The following ZFP90 variants were observed in gnomAD, a reference collection of about 807,000 sequenced individuals.
ZFP90 encodes the protein ZFP90 zinc finger protein.
In ZFP90, 38 loss-of-function variants were observed where a neutral mutation model predicts 60.8. The observed-to-expected ratio is 0.62, with a 90% CI of 0.48 to 0.82. The LOEUF is 0.82. ZFP90 is among the 40% of genes least tolerant of loss of function. The probability of loss-of-function intolerance (pLI) is 0.00; values close to 1 mark genes in which losing one functional copy is unlikely to be tolerated. For missense variants in ZFP90, 711 were observed against 759.1 expected, an observed-to-expected ratio of 0.94 and a Z score of 0.74; for synonymous variants, 287 against 264.8, an observed-to-expected ratio of 1.08 and a Z score of -0.82.
chr16:68,566,854 T>TA lies in ZFP90; in HGVS notation c.*2157dup, dbSNP rs899103755. The stretch of plus-strand genomic sequence containing the variant: ...ACCAACTGAGTGCTGCCCCCACTGT[T>TA]ACGGAAGTTTATAAAACCTTAGTTC... On this transcript the variant is annotated 3_prime_UTR_variant, in exon 5 of 5. Transcript: ENST00000563169. 2.0e-5 allele frequency: 20 copies of TA among 985,492 alleles called. No individual in the cohort carries two copies. Among genetic ancestry groups the TA allele is most frequent in the Non-Finnish European group, 2.3e-5 (19 of 829,982 alleles). The allele number at this position is 985,492 out of a possible 1,614,324, so 61.0% of individuals were successfully genotyped here.
chr16:68,564,454 T>C lies in ZFP90; in HGVS notation c.1667T>C (p.Ile556Thr), dbSNP rs1466577827. 1.2e-6 allele frequency: 2 copies of C among 1,613,654 alleles called. No individual in the cohort carries two copies. The highest frequency in any genetic ancestry group is 1.7e-6 in the Non-Finnish European group (2 of 1,179,858). ...ACTGGAGAGAAACCCTATGAATGTATTGACTGTGGGAAAGCCTTTAGTCAA... is the reference window on the plus strand; with the variant it reads ...ACTGGAGAGAAACCCTATGAATGTACTGACTGTGGGAAAGCCTTTAGTCAA... ...THTGEKPYEC[I>T]DCGKAFSQSS... is the part of the protein sequence containing the mutation. Residue 556 changes from isoleucine to threonine, a missense_variant, in exon 5 of 5, where the codon ATT (isoleucine) becomes ACT (threonine). Coordinates refer to ENST00000563169, the MANE Select transcript of ZFP90 (RefSeq NM_001305203.2).
chr16:68,540,810 A>AAG lies in ZFP90; in HGVS notation c.33+986_33+987insGA, dbSNP rs1278594044. ...AACATAGTGAGACTCCGTCTCTGCA[A>AAG]AAAAAAAAAAAAAAAAAAAATTTAA... On this transcript the variant is annotated intron_variant, in intron 2 of 4. Coordinates refer to ENST00000563169, the MANE Select transcript of ZFP90 (RefSeq NM_001305203.2). 1.3e-4 allele frequency among the ~76,000 whole-genome samples: 18 copies of AAG among 139,408 alleles called. 1 individual carries two copies. Among genetic ancestry groups the AAG allele is most frequent in the African/African-American group, 2.2e-4 (8 of 35,600 alleles). 91.5% of individuals were successfully genotyped at this position (139,408 alleles called of 152,430 possible).
chr16:68,560,549 A>G (rs111471659), intron 4 of ZFP90, among the ~76,000 whole-genome samples: 39 of 147,422 alleles, frequency 2.6e-4, no homozygotes, highest in African/African-American at 1.0e-3. Flanking sequence ...TTATTTATTT[A>G]TTTATTTATT....
At chr16:68,536,433 A>C (rs1428095262), upstream of ZFP90, among the ~76,000 whole-genome samples, 1 of 152,210 alleles carries the variant, frequency 6.6e-6, no homozygotes, top group East Asian at 1.9e-4. Flanking sequence ...CAGCCTCCCC[A>C]GTAGTTGGGG....
Position 68,565,961 on chromosome 16 carries a change from T to TG in ZFP90, c.*1263_*1264insG. ...ACAACATGGTGAAACCCCATCTCTT[T>TG]AAAAAAAAAAAAAAATCCAAAAATT... is the stretch of plus-strand genomic sequence containing the variant. On this transcript the variant is annotated 3_prime_UTR_variant, in exon 5 of 5. Transcript: ENST00000563169. The TG allele has an allele frequency of 1.7e-6, 1 of 585,248 alleles. No homozygotes were observed. The highest frequency in any genetic ancestry group is 2.1e-6 in the Non-Finnish European group (1 of 470,380). The allele number at this position is 585,248 out of a possible 1,614,324, so 36.3% of individuals were successfully genotyped here.
chr16:68,542,443 T>C (rs2152055826), intron 2 of ZFP90, among the ~76,000 whole-genome samples: 1 of 151,798 alleles, frequency 6.6e-6, no homozygotes, highest in Admixed American at 6.6e-5. Context: ...ATACAAAAAT[T>C]AGCTAGCCAT....
At chr16:68,539,017 G>A (rs896935296), upstream of ZFP90, among the ~76,000 whole-genome samples, 1 of 152,192 alleles carries the variant, frequency 6.6e-6, no homozygotes, top group African/African-American at 2.4e-5. Context: ...CGTCGAAAGG[G>A]GCGTACGATT....
At position 68,553,696 on chromosome 16, in the gene ZFP90, G is replaced by A. The variant is rs577798945; in HGVS notation, c.34-4302G>A. On this transcript the variant is annotated intron_variant, in intron 2 of 4. Coordinates refer to ENST00000563169, the MANE Select transcript of ZFP90 (RefSeq NM_001305203.2). ...TGAAGTGGTGTCATCGTGGCTCACT[G>A]TAGCCTTGAACTCCCGGGCTCAAGC... 3.9e-5 allele frequency among the ~76,000 whole-genome samples: 6 copies of A among 152,256 alleles called. No individual in the cohort carries two copies. In the South Asian group the frequency reaches 1.2e-3, roughly 32 times the overall value.
intron 4 of ZFP90, among the ~76,000 whole-genome samples, chr16:68,560,900 G>A (rs527864838): frequency 5.5e-5 from 7 of 127,778 alleles, no homozygotes; most frequent in Non-Finnish European, 6.5e-5. Context: ...TTTTTTTTCC[G>A]AGATGGAATC....
intron 2 of ZFP90, among the ~76,000 whole-genome samples, chr16:68,552,152 T>C (rs1326190364): frequency 6.6e-6 from 1 of 152,248 alleles, no homozygotes; most frequent in Non-Finnish European, 1.5e-5. Context: ...CTGGATCATT[T>C]ATTAGGGTTC....
chr16:68,565,385 G>C lies in ZFP90; in HGVS notation c.*687G>C, dbSNP rs142773170. 13 of 985,560 alleles carry C rather than the reference G, an allele frequency of 1.3e-5. No homozygotes were observed. The East Asian group carries it at 1.5e-3, about 110-fold the overall frequency. The allele number at this position is 985,560 out of a possible 1,614,324, so 61.1% of individuals were successfully genotyped here. On this transcript the variant is annotated 3_prime_UTR_variant, in exon 5 of 5. Coordinates refer to ENST00000563169, the MANE Select transcript of ZFP90 (RefSeq NM_001305203.2). ...TGTATCAGATACACAAACATTTAAT[G>C]GGCACCTATGGGTTGGACACTTTGA...
At chr16:68,546,196 A>C (rs1226302426) in intron 2 of ZFP90, among the ~76,000 whole-genome samples, 1 of 152,224 alleles carries the variant, frequency 6.6e-6, no homozygotes, top group East Asian at 1.9e-4. Context: ...TATTTTATTA[A>C]AGTATGTGAG....
chr16:68,554,220 C>T (rs1343218161), intron 2 of ZFP90, among the ~76,000 whole-genome samples: 1 of 151,236 alleles, frequency 6.6e-6, no homozygotes, highest in African/African-American at 2.4e-5. Flanking sequence ...CTCCCGGGTT[C>T]AAGTGATTCT....
At chr16:68,541,479 C>T (rs1005841522) in intron 2 of ZFP90, among the ~76,000 whole-genome samples, 2 of 151,862 alleles carry the variant, frequency 1.3e-5, no homozygotes, top group African/African-American at 2.4e-5. Context: ...TGCCACCATG[C>T]CCAGCTAATT....
chr16:68,570,838 T>G (rs1242901920), downstream of ZFP90, among the ~76,000 whole-genome samples: 1 of 152,238 alleles, frequency 6.6e-6, no homozygotes, highest in Admixed American at 6.5e-5. Context: ...TTTCTTATCC[T>G]TTATTGACAG....
At chr16:68,547,869 CT>C (rs2091179142) in intron 2 of ZFP90, among the ~76,000 whole-genome samples, 1 of 143,854 alleles carries the variant, frequency 7.0e-6, no homozygotes, top group South Asian at 2.2e-4. Context: ...GAGTTTTGCT[CT>C]TGTTGCCCAG....
chr16:68,572,310 T>G (rs2091572908), intron 2 of ZFP90, among the ~76,000 whole-genome samples: 1 of 152,144 alleles, frequency 6.6e-6, no homozygotes, highest in Non-Finnish European at 1.5e-5. Flanking sequence ...GAAGTATTAT[T>G]GTAGTAATTA....
downstream of ZFP90, among the ~76,000 whole-genome samples, chr16:68,568,596 A>C (rs1462418648): frequency 1.3e-5 from 2 of 152,220 alleles, no homozygotes; most frequent in Admixed American, 6.5e-5. Context: ...GACACACACA[A>C]AGATGTTTAT....
At chr16:68,544,009 C>T (rs556507137) in intron 2 of ZFP90, among the ~76,000 whole-genome samples, 3 of 152,090 alleles carry the variant, frequency 2.0e-5, no homozygotes, top group South Asian at 2.1e-4. Context: ...TGCACCACCA[C>T]GCCCGGCTAA....
Sources: allele counts gnomAD v4.1 joint callset (sites outside exome capture counted in the v4.1 genomes callset), GRCh38; gene constraint gnomAD v4.1.1; transcripts MANE v1.5; gene names NCBI Gene and HGNC (gene_info 2026-07-23, HGNC 2026-07-21).